The following DYNC2H1 variants were observed in gnomAD, a reference collection of about 807,000 sequenced individuals.
The protein encoded by DYNC2H1 is dynein cytoplasmic 2 heavy chain 1, also known as cytoplasmic dynein 2 heavy chain 1.
In DYNC2H1, 410 loss-of-function variants were observed where a neutral mutation model predicts 570.0. That is an observed-to-expected ratio of 0.72 (90% CI 0.66 to 0.78). The LOEUF (loss-of-function observed/expected upper bound fraction) is 0.78, where lower values mean the gene tolerates loss of function less well. DYNC2H1 is among the 30% of genes least tolerant of loss of function. The pLI is 0.00. For missense variants in DYNC2H1, 4,865 were observed against 5,046.4 expected, an observed-to-expected ratio of 0.96 and a Z score of 1.09; for synonymous variants, 1,688 against 1,677.6, an observed-to-expected ratio of 1.01 and a Z score of -0.15.
At chr11:103,235,040 ATCC>A (rs1864169019) in intron 61 of DYNC2H1, among the ~76,000 whole-genome samples, 2 of 151,948 alleles carry the variant, frequency 1.3e-5, no homozygotes, top group South Asian at 4.1e-4. Context: ...TTTTTAATGT[ATCC>A]TCCTATCTGA....
intron 11 of DYNC2H1, among the ~76,000 whole-genome samples, chr11:103,124,672 T>G (rs943067386): frequency 6.6e-6 from 1 of 152,122 alleles, no homozygotes; most frequent in Non-Finnish European, 1.5e-5. Context: ...TTTTAATATC[T>G]CTACTCCTAC....
At position 103,323,958 on chromosome 11, in the gene DYNC2H1, G is replaced by C; in HGVS notation, c.12007G>C (p.Ala4003Pro). 6.2e-7 allele frequency: 1 copy of C among 1,611,992 alleles called. No individual in the cohort carries two copies. The highest frequency in any genetic ancestry group is 8.5e-7 in the Non-Finnish European group (1 of 1,178,924). ...PSFFGLPANI[A>P]RSSQRMISSQ... ...TTTCTTTGGTCTGCCTGCCAATATC[G>C]CTCGCTCATCTCAGCGCATGATCAG... The change falls in exon 82 of 89, where the codon GCT becomes CCT. Residue 4003 changes from alanine (A) to proline (P), a missense_variant. Transcript: ENST00000375735.
chr11:103,466,380 C>T lies in DYNC2H1; in HGVS notation c.12649-2209C>T, dbSNP rs573030250. Among the ~76,000 whole-genome samples the T allele has an allele frequency of 2.4e-4, 36 of 152,094 alleles. 1 individual carries two copies. Among genetic ancestry groups the T allele is most frequent in the Admixed American group, 2.6e-4 (4 of 15,276 alleles). ...AATATCTACTCAGGATTTCTTTAGACACAAAAGAAGTAAAAGTCTTAAAGG... is the reference window on the plus strand; with the variant it reads ...AATATCTACTCAGGATTTCTTTAGATACAAAAGAAGTAAAAGTCTTAAAGG... On this transcript the variant is annotated intron_variant, in intron 87 of 88. Transcript: ENST00000375735.
chr11:103,357,783 T>G (rs1233054907), intron 82 of DYNC2H1, among the ~76,000 whole-genome samples: 1 of 151,812 alleles, frequency 6.6e-6, no homozygotes, highest in Non-Finnish European at 1.5e-5. Flanking sequence ...TGAGACATGG[T>G]CTCTACCAAA....
At chr11:103,343,899 T>C (rs1939607284) in intron 82 of DYNC2H1, among the ~76,000 whole-genome samples, 3 of 152,218 alleles carry the variant, frequency 2.0e-5, no homozygotes, top group South Asian at 4.1e-4. Flanking sequence ...AAGTGTCATA[T>C]TATTGCATAT....
intron 84 of DYNC2H1, among the ~76,000 whole-genome samples, chr11:103,435,407 A>T (rs919281784): frequency 1.3e-5 from 2 of 152,284 alleles, no homozygotes; most frequent in East Asian, 3.9e-4. Flanking sequence ...TTAATGGTTA[A>T]TGCCTTTATT....
At chr11:103,333,517 A>G (rs2512134) in intron 82 of DYNC2H1, among the ~76,000 whole-genome samples, 62,260 of 151,914 alleles carry the variant, frequency 0.41, 13,027 homozygotes, top group East Asian at 0.46. Context: ...TCCCACCTCA[A>G]CCTCCTTATG....
intron 83 of DYNC2H1, among the ~76,000 whole-genome samples, chr11:103,359,790 G>A (rs1388042067): frequency 2.7e-5 from 4 of 150,860 alleles, no homozygotes; most frequent in Non-Finnish European, 4.4e-5. Context: ...TCAGCCACCC[G>A]AGTAGCTGGG....
intron 82 of DYNC2H1, among the ~76,000 whole-genome samples, chr11:103,344,791 AT>A (rs1337020307): frequency 6.6e-6 from 1 of 152,190 alleles, no homozygotes; most frequent in African/African-American, 2.4e-5. Context: ...ACAAAAGAAT[AT>A]ATGTAACTTT....
chr11:103,466,539 T>C (rs1945199588), intron 87 of DYNC2H1, among the ~76,000 whole-genome samples: 2 of 152,156 alleles, frequency 1.3e-5, no homozygotes, highest in Admixed American at 1.3e-4. Flanking sequence ...ATAAAGGATG[T>C]TTATAGATCA....
At chr11:103,212,416 C>T (rs3016439) in intron 54 of DYNC2H1, among the ~76,000 whole-genome samples, 141,523 of 151,946 alleles carry the variant, frequency 0.93, 65,938 homozygotes, top group African/African-American at 0.94. Flanking sequence ...AAGCAAATAC[C>T]ACCTGTACCC....
intron 83 of DYNC2H1, among the ~76,000 whole-genome samples, chr11:103,397,779 TA>T: frequency 6.6e-6 from 1 of 152,168 alleles, no homozygotes; most frequent in Non-Finnish European, 1.5e-5. Flanking sequence ...CCTGTATTCC[TA>T]GCTACTCAGG....
chr11:103,112,518 TG>T (rs1858162426), intron 1 of DYNC2H1, among the ~76,000 whole-genome samples: 1 of 152,188 alleles, frequency 6.6e-6, no homozygotes, highest in South Asian at 2.1e-4. Context: ...TGTAATACTT[TG>T]TAATAATACA....
At chr11:103,304,532 T>C in intron 76 of DYNC2H1, 63 bp from the exon 77 acceptor site, 1 of 1,536,472 alleles carries the variant, frequency 6.5e-7, no homozygotes, top group Admixed American at 1.9e-5. Flanking sequence ...AATCTCATAC[T>C]GTTATATTAC....
At chr11:103,233,879 G>GTGTTTGT (rs1591449500) in intron 60 of DYNC2H1, among the ~76,000 whole-genome samples, 155 bp from the exon 61 acceptor site, 1 of 45,112 alleles carries the variant, frequency 2.2e-5, no homozygotes, top group Non-Finnish European at 4.6e-5. Context: ...TGTGTGTGTG[G>GTGTTTGT]GTTTGTCTCT....
At chr11:103,247,339 A>T (rs778668237) in intron 65 of DYNC2H1, among the ~76,000 whole-genome samples, 1 of 152,056 alleles carries the variant, frequency 6.6e-6, no homozygotes, top group Non-Finnish European at 1.5e-5. Context: ...GTTCCTACAG[A>T]GACAGGCATA....
chr11:103,295,631 C>T (rs549739554), intron 75 of DYNC2H1, among the ~76,000 whole-genome samples: 1 of 152,310 alleles, frequency 6.6e-6, no homozygotes, highest in South Asian at 2.1e-4. Flanking sequence ...CACCTGGGCA[C>T]CATAGTGAAG....
intron 59 of DYNC2H1, among the ~76,000 whole-genome samples, chr11:103,223,875 G>A (rs1039140072): frequency 2.0e-5 from 3 of 151,374 alleles, no homozygotes; most frequent in African/African-American, 7.3e-5. Context: ...AGCCTCCCAA[G>A]TAGCTGGGAT....
intron 70 of DYNC2H1, among the ~76,000 whole-genome samples, chr11:103,260,219 G>T (rs1406231735): frequency 1.3e-5 from 2 of 152,188 alleles, no homozygotes; most frequent in Non-Finnish European, 1.5e-5. Context: ...AAATATTCCA[G>T]TGGTCACCAA....
Sources: gnomAD v4.1 joint callset for allele counts (sites outside exome capture counted in the v4.1 genomes callset) on GRCh38, gnomAD v4.1.1 for gene constraint, MANE v1.5 for transcripts, NCBI Gene and HGNC (gene_info 2026-07-23, HGNC 2026-07-21) for gene names.